ATXN7L1: variants seen among roughly 807,000 people sequenced by gnomAD.
ATXN7L1 encodes the protein ataxin 7 like 1.
Under a neutral mutation model 70.8 loss-of-function variants are expected in ATXN7L1, and 15 were observed. That is an observed-to-expected ratio of 0.21 (90% CI 0.14 to 0.33). The LOEUF is 0.33. Ranked by LOEUF, ATXN7L1 falls within the 10% of genes least tolerant of loss-of-function variation. ATXN7L1 has a pLI of 1.00. For missense variants in ATXN7L1, 975 were observed against 1,097.1 expected, an observed-to-expected ratio of 0.89 and a Z score of 1.57; for synonymous variants, 440 against 445.1, an observed-to-expected ratio of 0.99 and a Z score of 0.14.
rs557697684 is a variant in ATXN7L1, at chr7:105,752,226, C to T, written c.355+36378G>A. ...TGTCACTTCTTGTTGCCTTTGACCT[C>T]GATGGTACAAATGTCCTGCAGAAGC... On this transcript the variant is annotated intron_variant, in intron 3 of 11. Coordinates refer to ENST00000419735, the MANE Select transcript of ATXN7L1 (RefSeq NM_020725.2). Among the ~76,000 whole-genome samples, 90 of 152,242 alleles carry T rather than the reference C, an allele frequency of 5.9e-4. 1 individual carries two copies. In the South Asian group the frequency reaches 0.018, roughly 30 times the overall value.
chr7:105,768,681 A>T (rs1360632865), intron 3 of ATXN7L1, among the ~76,000 whole-genome samples: 1 of 152,256 alleles, frequency 6.6e-6, no homozygotes, highest in African/African-American at 2.4e-5. Flanking sequence ...TGAAATGACC[A>T]TAACTTTTGT....
chr7:105,719,813 C>A (rs1455334842), intron 3 of ATXN7L1, among the ~76,000 whole-genome samples: 1 of 152,150 alleles, frequency 6.6e-6, no homozygotes, highest in Non-Finnish European at 1.5e-5. Context: ...AAGCAGTGAG[C>A]GTTCCTTTTG....
At chr7:105,743,220 A>G (rs1023448226) in intron 3 of ATXN7L1, among the ~76,000 whole-genome samples, 1 of 152,234 alleles carries the variant, frequency 6.6e-6, no homozygotes, top group African/African-American at 2.4e-5. Flanking sequence ...GGCAAAGAAC[A>G]GACAGAAAAT....
At position 105,733,884 on chromosome 7, in the gene ATXN7L1, T is replaced by C. The variant is rs1336201512; in HGVS notation, c.355+54720A>G. Reference sequence around the variant, plus strand: ...CATCCATCCATCCATCCATCCATCATCCATCATCCATCCATCCATCATCCA... The same window carrying C: ...CATCCATCCATCCATCCATCCATCACCCATCATCCATCCATCCATCATCCA... On this transcript the variant is annotated intron_variant, in intron 3 of 11. Transcript: ENST00000419735. Among the ~76,000 whole-genome samples, 30 of 99,010 alleles carry C rather than the reference T, an allele frequency of 3.0e-4. 3 individuals carry two copies. In the South Asian group the frequency reaches 9.2e-3, roughly 30 times the overall value. The allele number at this position is 99,010 out of a possible 152,430, so 65.0% of individuals were successfully genotyped here. A position where few individuals can be genotyped will look rare whatever the true frequency, so the allele number is the denominator to read the frequency against.
intron 3 of ATXN7L1, among the ~76,000 whole-genome samples, chr7:105,670,999 C>T (rs1207602996): frequency 1.4e-4 from 21 of 150,798 alleles, no homozygotes; most frequent in African/African-American, 4.6e-4. Flanking sequence ...CCCAGCTACT[C>T]GGGAGGCTGA....
At chr7:105,656,136 C>T (rs1800598177) in intron 4 of ATXN7L1, among the ~76,000 whole-genome samples, 1 of 152,226 alleles carries the variant, frequency 6.6e-6, no homozygotes, top group Admixed American at 6.5e-5. Context: ...ATCAATTCGC[C>T]AGGCCAGACC....
intron 2 of ATXN7L1, among the ~76,000 whole-genome samples, chr7:105,845,161 C>T (rs1813806352): frequency 7.6e-6 from 1 of 131,192 alleles, no homozygotes; most frequent in African/African-American, 3.0e-5. Flanking sequence ...GCCAAGATTG[C>T]ACCAGTGCAT....
intron 2 of ATXN7L1, among the ~76,000 whole-genome samples, chr7:105,823,622 G>A (rs1425064141): frequency 1.3e-5 from 2 of 152,136 alleles, no homozygotes; most frequent in East Asian, 1.9e-4. Flanking sequence ...AATGAATGGT[G>A]GATTAATGGT....
chr7:105,781,015 G>A (rs562987618), intron 3 of ATXN7L1, among the ~76,000 whole-genome samples: 146 of 152,276 alleles, frequency 9.6e-4, no homozygotes, highest in Admixed American at 1.2e-3. Flanking sequence ...TGCACCCTAG[G>A]GGCTATTGGC....
At chr7:105,621,709 A>G (rs1039316269) in intron 8 of ATXN7L1, among the ~76,000 whole-genome samples, 1 of 151,864 alleles carries the variant, frequency 6.6e-6, no homozygotes, top group Non-Finnish European at 1.5e-5. Flanking sequence ...TCTGCAAATG[A>G]CTCTATAACT....
intron 9 of ATXN7L1, chr7:105,618,100 G>T: frequency 2.2e-6 from 1 of 456,438 alleles, no homozygotes; most frequent in Non-Finnish European, 4.4e-6. Context: ...TTCTGTGCCT[G>T]AGGAGGAAAG....
intron 2 of ATXN7L1, among the ~76,000 whole-genome samples, chr7:105,854,369 C>G (rs757479705): frequency 6.6e-6 from 1 of 150,892 alleles, no homozygotes; most frequent in Non-Finnish European, 1.5e-5. Flanking sequence ...TGTGGGAGTT[C>G]TGGAGGCTGC....
Position 105,805,978 on chromosome 7 carries a change from T to C in ATXN7L1, c.251-17270A>G, listed in dbSNP as rs1807528349. Reference sequence around the variant, plus strand: ...TTTGTTTTGGAAGCAATGCTGAGCTTGCTGGAACAAGGCTGGAGGTGAGAG... The same window carrying C: ...TTTGTTTTGGAAGCAATGCTGAGCTCGCTGGAACAAGGCTGGAGGTGAGAG... On this transcript the variant is annotated intron_variant, in intron 2 of 11. Transcript: ENST00000419735. 5.3e-5 allele frequency among the ~76,000 whole-genome samples: 8 copies of C among 152,118 alleles called. No individual in the cohort carries two copies. In the South Asian group the frequency reaches 1.7e-3, roughly 32 times the overall value.
At chr7:105,617,829 G>A (rs1051008018) in intron 9 of ATXN7L1, 3 of 413,510 alleles carry the variant, frequency 7.3e-6, no homozygotes, top group African/African-American at 6.2e-5. Context: ...GGCTCCTGAT[G>A]CAGAGTTAAA....
At chr7:105,672,218 G>A (rs527440045) in intron 3 of ATXN7L1, among the ~76,000 whole-genome samples, 12 of 151,858 alleles carry the variant, frequency 7.9e-5, no homozygotes, top group Non-Finnish European at 1.0e-4. Context: ...CCCTGGAAGC[G>A]GAGGCTGCAG....
chr7:105,692,114 A>G (rs1190274819), intron 3 of ATXN7L1, among the ~76,000 whole-genome samples: 1 of 152,034 alleles, frequency 6.6e-6, no homozygotes, highest in Non-Finnish European at 1.5e-5. Flanking sequence ...GACAGACGTC[A>G]TGCTACTTTA....
intron 2 of ATXN7L1, among the ~76,000 whole-genome samples, chr7:105,824,293 C>T (rs935903919): frequency 2.0e-5 from 3 of 152,222 alleles, no homozygotes; most frequent in Non-Finnish European, 4.4e-5. Flanking sequence ...ACCTCCAAGC[C>T]GCTTGTAGTG....
intron 4 of ATXN7L1, among the ~76,000 whole-genome samples, chr7:105,647,733 C>T (rs1799262852): frequency 6.6e-6 from 1 of 152,214 alleles, no homozygotes; most frequent in South Asian, 2.1e-4. Context: ...CAACGTCAGG[C>T]TCTGAATGTG....
intron 3 of ATXN7L1, among the ~76,000 whole-genome samples, chr7:105,734,562 G>A (rs772993323): frequency 4.0e-5 from 6 of 151,716 alleles, no homozygotes; most frequent in Middle Eastern, 3.2e-3. Context: ...AGCTCTTCCC[G>A]CCCTCCTTGC....
Sources: allele counts gnomAD v4.1 joint callset (sites outside exome capture counted in the v4.1 genomes callset), GRCh38; gene constraint gnomAD v4.1.1; transcripts MANE v1.5; gene names NCBI Gene and HGNC (gene_info 2026-07-23, HGNC 2026-07-21).